Variants in PRKAR2A observed in about 807,000 individuals in gnomAD.
The protein encoded by PRKAR2A is cAMP-dependent protein kinase type II-alpha regulatory subunit.
In PRKAR2A, 29 loss-of-function variants were observed where a neutral mutation model predicts 51.9. That is an observed-to-expected ratio of 0.56 (90% confidence interval 0.42 to 0.76). The LOEUF (loss-of-function observed/expected upper bound fraction) is 0.76. Ranked by LOEUF, PRKAR2A falls within the 30% of genes least tolerant of loss-of-function variation. The pLI, the probability that PRKAR2A is intolerant of heterozygous loss-of-function variation, is 0.00. For missense variants in PRKAR2A, 445 were observed against 512.1 expected (o/e 0.87, Z 1.26); for synonymous variants, 178 against 186.2 (o/e 0.96, Z 0.36).
intron 1 of PRKAR2A, 99 bp from the exon 2 acceptor site, chr3:48,807,783 C>T (rs2082696116): frequency 3.2e-6 from 3 of 929,204 alleles, no homozygotes; most frequent in Admixed American, 2.0e-5. Flanking sequence ...ACCTAAGCCC[C>T]TCAAAACCAA....
chr3:48,832,437 G>A (rs925718896), intron 1 of PRKAR2A, among the ~76,000 whole-genome samples: 6 of 151,888 alleles, frequency 4.0e-5, no homozygotes, highest in Non-Finnish European at 7.4e-5. Flanking sequence ...AAATAAATAA[G>A]CTAAAAGTTT....
chr3:48,755,551 T>C (rs2081747226), intron 9 of PRKAR2A, among the ~76,000 whole-genome samples: 1 of 151,842 alleles, frequency 6.6e-6, no homozygotes, highest in African/African-American at 2.4e-5. Flanking sequence ...CAAGGAAGCT[T>C]TCTTCATGTT....
intron 9 of PRKAR2A, among the ~76,000 whole-genome samples, chr3:48,753,412 A>T (rs952344913): frequency 2.0e-5 from 3 of 152,098 alleles, no homozygotes; most frequent in Non-Finnish European, 4.4e-5. Flanking sequence ...TTGTAGGCAG[A>T]AAGATAATTT....
intron 6 of PRKAR2A, among the ~76,000 whole-genome samples, chr3:48,769,718 C>T (rs1362249204): frequency 6.6e-6 from 1 of 152,080 alleles, no homozygotes; most frequent in African/African-American, 2.4e-5. Flanking sequence ...CTCAGGTGAT[C>T]TGCCCACCTT....
intron 8 of PRKAR2A, among the ~76,000 whole-genome samples, chr3:48,761,163 T>C (rs2081858457): frequency 6.6e-6 from 1 of 151,948 alleles, no homozygotes; most frequent in Admixed American, 6.6e-5. Flanking sequence ...GCGCCTGTAG[T>C]CCCAGCTACT....
chr3:48,817,635 G>A (rs967848334), intron 1 of PRKAR2A, among the ~76,000 whole-genome samples: 4 of 149,322 alleles, frequency 2.7e-5, no homozygotes, highest in South Asian at 2.1e-4. Flanking sequence ...CAACAGGAAC[G>A]AAACTCCATC....
chr3:48,773,058 C>T lies in PRKAR2A; in HGVS notation c.593G>A (p.Gly198Asp). The T allele has an allele frequency of 6.2e-7, 1 of 1,613,040 alleles. No homozygotes were observed. The highest frequency in any genetic ancestry group is 1.1e-5 in the South Asian group (1 of 90,960). Residue 198 changes from glycine to aspartate, a missense_variant, in exon 6 of 11, where the codon GGT (glycine) becomes GAT (aspartate). Coordinates refer to ENST00000265563, the MANE Select transcript of PRKAR2A (RefSeq NM_004157.4). ...VTKDNQTRSV[G>D]QYDNRGSFGE... Reference sequence around the variant, plus strand: ...AAAACTGCCACGGTTGTCATATTGACCAACAGAGCGGGTTTGATTATCTTT... The same window carrying T: ...AAAACTGCCACGGTTGTCATATTGATCAACAGAGCGGGTTTGATTATCTTT...
intron 6 of PRKAR2A, among the ~76,000 whole-genome samples, chr3:48,766,264 G>T (rs1305640739): frequency 6.6e-6 from 1 of 151,020 alleles, no homozygotes. Flanking sequence ...AAATACATAG[G>T]AATAAAAAGT....
intron 2 of PRKAR2A, among the ~76,000 whole-genome samples, chr3:48,802,999 T>C (rs901715390): frequency 6.6e-6 from 1 of 152,154 alleles, no homozygotes; most frequent in Non-Finnish European, 1.5e-5. Context: ...ATTCTGGAAA[T>C]TCTCTTCTGT....
chr3:48,758,257 CAAA>C (rs1216715073), intron 8 of PRKAR2A, among the ~76,000 whole-genome samples: 2 of 89,160 alleles, frequency 2.2e-5, no homozygotes, highest in African/African-American at 4.3e-5. Context: ...GACTCCATCT[CAAA>C]AAAAAAAAAG....
Position 48,756,435 on chromosome 3 carries a change from C to G in PRKAR2A, c.883G>C (p.Ala295Pro), listed in dbSNP as rs1327413424. ...GACTCTATGATGTAAAAGCTATCAGCCTTTTCACCCTGAAAGAAAAGAGAG... is the reference window on the plus strand; with the variant it reads ...GACTCTATGATGTAAAAGCTATCAGGCTTTTCACCCTGAAAGAAAAGAGAG... ...GERIITQGEKADSFYIIESGE... is the reference protein window; with the variant it reads ...GERIITQGEKPDSFYIIESGE... Residue 295 changes from alanine to proline, a missense_variant, in exon 9 of 11, where the codon GCT becomes CCT. Transcript: ENST00000265563. 1 of 1,613,694 alleles carries G rather than the reference C, an allele frequency of 6.2e-7. No individual in the cohort carries two copies. Among genetic ancestry groups the G allele is most frequent in the Non-Finnish European group, 8.5e-7 (1 of 1,179,738 alleles).
At chr3:48,826,905 T>G (rs2083077857) in intron 1 of PRKAR2A, among the ~76,000 whole-genome samples, 1 of 150,964 alleles carries the variant, frequency 6.6e-6, no homozygotes. Context: ...AAAGTAAACT[T>G]AAAAAAACCT....
chr3:48,819,788 A>C (rs2082932491), intron 1 of PRKAR2A, among the ~76,000 whole-genome samples: 1 of 152,122 alleles, frequency 6.6e-6, no homozygotes, highest in African/African-American at 2.4e-5. Flanking sequence ...CTGAAATAAC[A>C]CAGGAAGGCA....
At position 48,757,986 on chromosome 3, in the gene PRKAR2A, G is replaced by A. The variant is rs1234472993; in HGVS notation, c.874-1542C>T. ...CAGAAGAATAGCTTGAACCCGGGAG[G>A]CAGAGGTTGCAGTGAGCCGAGATCA... On this transcript the variant is annotated intron_variant, in intron 8 of 10. Transcript: ENST00000265563. Among the ~76,000 whole-genome samples the A allele has an allele frequency of 2.6e-5, 4 of 152,060 alleles. No homozygotes were observed. The East Asian group carries it at 7.7e-4, about 29-fold the overall frequency.
chr3:48,835,772 G>A (rs1031214646), intron 1 of PRKAR2A, among the ~76,000 whole-genome samples: 2 of 150,770 alleles, frequency 1.3e-5, no homozygotes, highest in Non-Finnish European at 3.0e-5. Flanking sequence ...GAGTGACAGA[G>A]CAAGACTCAG....
rs182950831 is a variant in PRKAR2A, at chr3:48,746,960, A to G, written c.*4625T>C. 2.5e-4 allele frequency: 38 copies of G among 152,110 alleles called. No homozygotes were observed. Among genetic ancestry groups the G allele is most frequent in the African/African-American group, 8.4e-4 (35 of 41,508 alleles). 9.4% of individuals were successfully genotyped at this position (152,110 alleles called of 1,614,324 possible). A position where few individuals can be genotyped will look rare whatever the true frequency, so the allele number is the denominator to read the frequency against. ...TTTATTACAGTGAGCTTAAAAAAAC[A>G]ACACGGAATCTACCCTTTGCTCAAG... On this transcript the variant is annotated 3_prime_UTR_variant, in exon 11 of 11. Coordinates refer to ENST00000265563, the MANE Select transcript of PRKAR2A (RefSeq NM_004157.4).
At chr3:48,829,580 ATG>A (rs1225533220) in intron 1 of PRKAR2A, among the ~76,000 whole-genome samples, 3 of 34,808 alleles carry the variant, frequency 8.6e-5, no homozygotes, top group South Asian at 2.8e-3. Context: ...ATAAATATAT[ATG>A]TGTGTATATA....
intron 8 of PRKAR2A, among the ~76,000 whole-genome samples, chr3:48,760,344 C>A (rs976452866): frequency 6.6e-6 from 1 of 152,006 alleles, no homozygotes; most frequent in Non-Finnish European, 1.5e-5. Flanking sequence ...ACAACAAGAG[C>A]AAGACTCTGT....
chr3:48,828,257 A>C (rs376145068), intron 1 of PRKAR2A, among the ~76,000 whole-genome samples: 53 of 152,224 alleles, frequency 3.5e-4, no homozygotes, highest in African/African-American at 1.2e-3. Flanking sequence ...AGCTACAAAC[A>C]GGCGTGATCA....
Sources: allele counts gnomAD v4.1 joint callset (sites outside exome capture counted in the v4.1 genomes callset), GRCh38; gene constraint gnomAD v4.1.1; transcripts MANE v1.5; gene names NCBI Gene and HGNC (gene_info 2026-07-23, HGNC 2026-07-21).